PPARGC1A: variants seen among roughly 807,000 people sequenced by gnomAD.
PPARGC1A encodes PPARG coactivator 1 alpha.
PPARGC1A carries 25 observed loss-of-function variants against 88.7 expected under a neutral mutation model. The ratio of observed to expected loss-of-function variants is 0.28; its 90% CI spans 0.21 to 0.39. The LOEUF is 0.39. PPARGC1A is among the 10% of genes least tolerant of loss of function. The probability of loss-of-function intolerance (pLI) is 1.00; values close to 1 mark genes in which losing one functional copy is unlikely to be tolerated. For synonymous variants in PPARGC1A, 363 were observed against 355.6 expected, an observed-to-expected ratio of 1.02 and a Z score of -0.24; for missense variants, 880 against 968.7, an observed-to-expected ratio of 0.91 and a Z score of 1.22.
the PPARGC1A span, among the ~76,000 whole-genome samples, chr4:24,298,465 C>A: frequency 6.6e-6 from 1 of 152,140 alleles, no homozygotes; most frequent in East Asian, 1.9e-4. Context: ...AAAATAGCAT[C>A]TATTATGTAG....
At chr4:24,100,061 T>C in the PPARGC1A span, among the ~76,000 whole-genome samples, 1 of 151,910 alleles carries the variant, frequency 6.6e-6, no homozygotes, top group Non-Finnish European at 1.5e-5. Flanking sequence ...ACATGGCACA[T>C]GTGTACATAT....
chr4:24,353,733 C>G, the PPARGC1A span, among the ~76,000 whole-genome samples: 1 of 152,178 alleles, frequency 6.6e-6, no homozygotes, highest in Non-Finnish European at 1.5e-5. Context: ...GGTTCTCCAT[C>G]ATCCAAGTCT....
chr4:24,380,319 C>T, the PPARGC1A span, among the ~76,000 whole-genome samples: 1 of 152,104 alleles, frequency 6.6e-6, no homozygotes, highest in Admixed American at 6.6e-5. Flanking sequence ...GAGGGAATCA[C>T]ATATGCAGAG....
At chr4:24,075,981 C>T in the PPARGC1A span, among the ~76,000 whole-genome samples, 1 of 152,162 alleles carries the variant, frequency 6.6e-6, no homozygotes, top group Non-Finnish European at 1.5e-5. Context: ...AGTTTCTCTG[C>T]ATATCTCCGT....
At chr4:23,895,460 C>A (rs1250744160) in intron 1 of PPARGC1A, among the ~76,000 whole-genome samples, 1 of 151,500 alleles carries the variant, frequency 6.6e-6, no homozygotes, top group Non-Finnish European at 1.5e-5. Flanking sequence ...TATGTATATA[C>A]ATATATCCCA....
the PPARGC1A span, among the ~76,000 whole-genome samples, chr4:24,279,347 A>C: frequency 1.3e-5 from 2 of 152,224 alleles, no homozygotes; most frequent in Admixed American, 1.3e-4. Context: ...ATGAGAAAGA[A>C]AGAATATGAA....
the PPARGC1A span, among the ~76,000 whole-genome samples, chr4:24,233,932 C>T: frequency 6.6e-6 from 1 of 152,118 alleles, no homozygotes; most frequent in Non-Finnish European, 1.5e-5. Flanking sequence ...CTTTATTGGG[C>T]ACGTAATTCA....
At chr4:24,365,493 C>T in the PPARGC1A span, among the ~76,000 whole-genome samples, 1 of 152,198 alleles carries the variant, frequency 6.6e-6, no homozygotes, top group Admixed American at 6.5e-5. Flanking sequence ...AACCAGTCAT[C>T]TGCCCCTGTA....
At chr4:24,379,278 G>T in the PPARGC1A span, among the ~76,000 whole-genome samples, 2 of 152,118 alleles carry the variant, frequency 1.3e-5, no homozygotes, top group African/African-American at 4.8e-5. Flanking sequence ...GGCTGGAAAG[G>T]GTGTATGGGT....
the PPARGC1A span, among the ~76,000 whole-genome samples, chr4:24,179,939 T>C: frequency 1.3e-5 from 2 of 152,140 alleles, no homozygotes; most frequent in Admixed American, 1.3e-4. Flanking sequence ...AGAGATTAAT[T>C]ATTCCTGTGT....
the PPARGC1A span, among the ~76,000 whole-genome samples, chr4:23,958,549 C>A: frequency 6.6e-6 from 1 of 152,202 alleles, no homozygotes; most frequent in East Asian, 1.9e-4. Flanking sequence ...TCCAGCAATT[C>A]ATTTTGCCTT....
At chr4:24,049,509 T>A in the PPARGC1A span, among the ~76,000 whole-genome samples, 1 of 150,632 alleles carries the variant, frequency 6.6e-6, no homozygotes, top group African/African-American at 2.4e-5. Flanking sequence ...GGGAAGAGAG[T>A]GAATCTTAAA....
At chr4:23,977,781 G>A in the PPARGC1A span, among the ~76,000 whole-genome samples, 2 of 152,186 alleles carry the variant, frequency 1.3e-5, no homozygotes, top group Non-Finnish European at 2.9e-5. Context: ...AGTCAGCTTT[G>A]TGATCATCAG....
chr4:24,127,142 A>G, the PPARGC1A span, among the ~76,000 whole-genome samples: 31 of 152,232 alleles, frequency 2.0e-4, no homozygotes, highest in Non-Finnish European at 3.7e-4. Context: ...TGCCTCATCA[A>G]GAACACCATG....
the PPARGC1A span, among the ~76,000 whole-genome samples, chr4:24,089,559 G>A: frequency 2.8e-5 from 4 of 143,142 alleles, no homozygotes; most frequent in African/African-American, 1.1e-4. Flanking sequence ...CACCCAGGCT[G>A]GAGTGCAGTG....
chr4:24,181,185 T>C, the PPARGC1A span, among the ~76,000 whole-genome samples: 1 of 152,206 alleles, frequency 6.6e-6, no homozygotes, highest in East Asian at 1.9e-4. Context: ...TTACTAATAG[T>C]TAAAAATCAC....
At chr4:23,821,024 A>C (rs1722916168) in intron 7 of PPARGC1A, among the ~76,000 whole-genome samples, 1 of 152,252 alleles carries the variant, frequency 6.6e-6, no homozygotes, top group Middle Eastern at 3.4e-3. Flanking sequence ...CCTATGGTAG[A>C]CATCACTAAT....
At chr4:24,085,706 C>T in the PPARGC1A span, among the ~76,000 whole-genome samples, 1 of 152,222 alleles carries the variant, frequency 6.6e-6, no homozygotes, top group Non-Finnish European at 1.5e-5. Context: ...TGCATTCTAA[C>T]TCAGGCTTTC....
chr4:24,369,681 C>G, the PPARGC1A span, among the ~76,000 whole-genome samples: 1 of 151,968 alleles, frequency 6.6e-6, no homozygotes, highest in Non-Finnish European at 1.5e-5. Context: ...TTTTTAACAC[C>G]CTGCAAAGCT....
Sources: allele counts gnomAD v4.1 joint callset (sites outside exome capture counted in the v4.1 genomes callset), GRCh38; gene constraint gnomAD v4.1.1; transcripts MANE v1.5; gene names NCBI Gene and HGNC (gene_info 2026-07-23, HGNC 2026-07-21).